The following WWOX variants were observed in gnomAD, a reference collection of about 807,000 sequenced individuals.
WWOX encodes WW domain containing oxidoreductase, also known as WW domain-containing oxidoreductase.
Under a neutral mutation model 46.2 loss-of-function variants are expected in WWOX, and 69 were observed. The observed-to-expected ratio is 1.49, with a 90% CI of 1.23 to 1.82. The LOEUF (loss-of-function observed/expected upper bound fraction) is 1.82, where lower values mean the gene tolerates loss of function less well. Ranked by LOEUF, WWOX falls within the 40% of genes most tolerant of loss-of-function variation. The pLI is 0.00. For synonymous variants in WWOX, 359 were observed against 202.6 expected (o/e 1.77, Z -6.56); for missense variants, 919 against 542.6 (o/e 1.69, Z -6.89).
chr16:79,101,401 C>T (rs574257038), intron 8 of WWOX: 2 of 152,074 alleles, frequency 1.3e-5, no homozygotes, highest in South Asian at 4.1e-4. Flanking sequence ...GGTAAATTCC[C>T]CAAATTTACA....
chr16:78,623,734 CAAAAA>C (rs10543154), intron 8 of WWOX, among the ~76,000 whole-genome samples: 12 of 141,836 alleles, frequency 8.5e-5, no homozygotes, highest in Non-Finnish European at 1.2e-4. Context: ...GACTCTGTCT[CAAAAA>C]AAAAAAAAAA....
chr16:79,168,216 A>G (rs780726667), intron 8 of WWOX, among the ~76,000 whole-genome samples: 10 of 152,242 alleles, frequency 6.6e-5, no homozygotes, highest in Non-Finnish European at 1.2e-4. Flanking sequence ...CTGTGTGGAC[A>G]TGTTCTCACT....
At chr16:78,809,278 A>C (rs1284205355) in intron 8 of WWOX, among the ~76,000 whole-genome samples, 4 of 150,748 alleles carry the variant, frequency 2.7e-5, no homozygotes, top group Non-Finnish European at 5.9e-5. Flanking sequence ...TTTAGGGGGG[A>C]AACAGGAACC....
chr16:78,964,978 G>T (rs1403360607), intron 8 of WWOX, among the ~76,000 whole-genome samples: 1 of 152,226 alleles, frequency 6.6e-6, no homozygotes, highest in Admixed American at 6.5e-5. Context: ...AAGAATTGGG[G>T]TTTGGGAACC....
chr16:78,201,670 T>A (rs1484039692), intron 5 of WWOX, among the ~76,000 whole-genome samples: 1 of 148,656 alleles, frequency 6.7e-6, no homozygotes, highest in African/African-American at 2.5e-5. Context: ...TGGGCATTCC[T>A]TGGATTATTT....
intron 8 of WWOX, among the ~76,000 whole-genome samples, chr16:79,183,385 G>A (rs182953443): frequency 4.6e-5 from 7 of 152,320 alleles, no homozygotes; most frequent in East Asian, 3.9e-4. Context: ...GTCAGCCACC[G>A]TGCTATGAAA....
chr16:78,476,542 A>G (rs1429764598), intron 8 of WWOX, among the ~76,000 whole-genome samples: 2 of 152,106 alleles, frequency 1.3e-5, no homozygotes, highest in African/African-American at 2.4e-5. Context: ...CCAACACAGC[A>G]CATGTCTACA....
intron 5 of WWOX, among the ~76,000 whole-genome samples, chr16:78,330,093 T>C (rs1466913317): frequency 1.3e-5 from 2 of 152,190 alleles, no homozygotes; most frequent in African/African-American, 4.8e-5. Flanking sequence ...CTATAGATGG[T>C]TGTCCTTAAC....
intron 8 of WWOX, among the ~76,000 whole-genome samples, chr16:78,669,384 G>C (rs72796607): frequency 0.031 from 4,786 of 152,350 alleles, 99 homozygotes; most frequent in Non-Finnish European, 0.048. Context: ...GTAGGATCCA[G>C]GGGCAGCATT....
chr16:79,198,929 C>G (rs1298373298), intron 8 of WWOX, among the ~76,000 whole-genome samples: 1 of 152,176 alleles, frequency 6.6e-6, no homozygotes, highest in Non-Finnish European at 1.5e-5. Flanking sequence ...TGGACATGTT[C>G]CTATTTATCA....
At chr16:78,743,332 C>G (rs959289368) in intron 8 of WWOX, among the ~76,000 whole-genome samples, 3 of 152,138 alleles carry the variant, frequency 2.0e-5, no homozygotes, top group African/African-American at 2.4e-5. Flanking sequence ...ACTGTGTTTG[C>G]TGTCATTTGT....
intron 8 of WWOX, among the ~76,000 whole-genome samples, chr16:79,136,019 T>C (rs1041293089): frequency 1.4e-4 from 21 of 152,348 alleles, no homozygotes; most frequent in African/African-American, 4.3e-4. Context: ...AACCTTGTAA[T>C]TTTTTCCTGT....
In WWOX at chr16:78,812,006, C is replaced by T. The variant is rs1034021968; in HGVS notation, c.1056+379254C>T. Among the ~76,000 whole-genome samples the T allele has an allele frequency of 2.0e-5, 3 of 151,978 alleles. No individual in the cohort carries two copies. The South Asian group carries it at 6.3e-4, about 32-fold the overall frequency. On this transcript the variant is annotated intron_variant, in intron 8 of 8. Transcript: ENST00000566780. ...TTGATAAACTATAGCTATTATAACA[C>T]CATCAAAGCTGTGGTTCTTACCCTC...
chr16:78,574,807 G>A (rs912733864), intron 8 of WWOX, among the ~76,000 whole-genome samples: 4 of 150,490 alleles, frequency 2.7e-5, no homozygotes, highest in Admixed American at 2.0e-4. Flanking sequence ...TAGGGGGTCA[G>A]TGAAGTGGGG....
intron 8 of WWOX, among the ~76,000 whole-genome samples, chr16:79,094,248 T>G (rs1408706822): frequency 6.6e-6 from 1 of 151,948 alleles, no homozygotes; most frequent in Non-Finnish European, 1.5e-5. Context: ...TTTTTCTTTT[T>G]TTTTTTTTTT....
chr16:78,721,129 T>A (rs1295119036), intron 8 of WWOX, among the ~76,000 whole-genome samples: 2 of 152,194 alleles, frequency 1.3e-5, no homozygotes, highest in Non-Finnish European at 2.9e-5. Flanking sequence ...ATAAACTGTT[T>A]TTCATGATGT....
At chr16:78,549,855 G>C (rs1356893901) in intron 8 of WWOX, among the ~76,000 whole-genome samples, 1 of 152,022 alleles carries the variant, frequency 6.6e-6, no homozygotes, top group Non-Finnish European at 1.5e-5. Context: ...AACCCCATCA[G>C]AATTGGGGAA....
At chr16:78,443,157 AG>A (rs2083483567) in intron 8 of WWOX, among the ~76,000 whole-genome samples, 1 of 140,734 alleles carries the variant, frequency 7.1e-6, no homozygotes, top group African/African-American at 2.7e-5. Context: ...AAAAAAAAAA[AG>A]GCTGTGTGTG....
At position 79,146,308 on chromosome 16, in the gene WWOX, A is replaced by C. The variant is rs78784741; in HGVS notation, c.1057-65300A>C. Reference sequence around the variant, plus strand: ...AGCCTGACCCTGAAGGTATTCTCCTACCAGCAGAGCCTTCTTTGATGCCCC... The same window carrying C: ...AGCCTGACCCTGAAGGTATTCTCCTCCCAGCAGAGCCTTCTTTGATGCCCC... On this transcript the variant is annotated intron_variant, in intron 8 of 8. Transcript: ENST00000566780. Among the ~76,000 whole-genome samples the C allele has an allele frequency of 5.1e-3, 783 of 152,280 alleles. 3 individuals carry two copies. The highest frequency in any genetic ancestry group is 0.018 in the African/African-American group (744 of 41,554).
Sources: gnomAD v4.1 joint callset for allele counts (sites outside exome capture counted in the v4.1 genomes callset) on GRCh38, gnomAD v4.1.1 for gene constraint, MANE v1.5 for transcripts, NCBI Gene and HGNC (gene_info 2026-07-23, HGNC 2026-07-21) for gene names.